The following FAM135B variants were observed in gnomAD, a reference collection of about 807,000 sequenced individuals.
FAM135B encodes protein FAM135B.
FAM135B carries 43 observed loss-of-function variants against 127.7 expected under a neutral mutation model. The observed-to-expected ratio is 0.34, with a 90% CI of 0.26 to 0.43. FAM135B has a LOEUF of 0.43. FAM135B is among the 20% of genes least tolerant of loss of function. FAM135B has a pLI of 1.00. For synonymous variants in FAM135B, 670 were observed against 665.1 expected (o/e 1.01, Z -0.11); for missense variants, 1,558 against 1,725.6 (o/e 0.90, Z 1.72).
chr8:138,310,076 G>A (rs1322943867), intron 3 of FAM135B, among the ~76,000 whole-genome samples: 1 of 151,794 alleles, frequency 6.6e-6, no homozygotes, highest in Admixed American at 6.6e-5. Context: ...TCACCTTGTT[G>A]ACCAGGCTGG....
At chr8:138,257,996 C>A (rs934953261) in intron 4 of FAM135B, among the ~76,000 whole-genome samples, 1 of 152,096 alleles carries the variant, frequency 6.6e-6, no homozygotes, top group Non-Finnish European at 1.5e-5. Context: ...ATTGCTGTCC[C>A]GTCTACCACC....
At chr8:138,244,030 G>C (rs550927109) in intron 6 of FAM135B, among the ~76,000 whole-genome samples, 1 of 152,070 alleles carries the variant, frequency 6.6e-6, no homozygotes, top group East Asian at 1.9e-4. Flanking sequence ...TTGTGGAAGG[G>C]CTTAATCCAA....
intron 1 of FAM135B, among the ~76,000 whole-genome samples, chr8:138,457,493 G>A (rs183861850): frequency 6.6e-6 from 1 of 152,244 alleles, no homozygotes; most frequent in African/African-American, 2.4e-5. Context: ...TAGATGATGA[G>A]CATGGCATCA....
chr8:138,477,036 A>G (rs1314414962), intron 1 of FAM135B, among the ~76,000 whole-genome samples: 1 of 152,182 alleles, frequency 6.6e-6, no homozygotes, highest in Non-Finnish European at 1.5e-5. Context: ...AAGGCATGAG[A>G]CTTTTAAGCC....
rs796696733 is a variant in FAM135B, at chr8:138,283,334, A to G, written c.158-17492T>C. On this transcript the variant is annotated intron_variant, in intron 3 of 19. Transcript: ENST00000395297. ...GATGGAAAAAATGTAAATACTTATT[A>G]CTAATTGAAATAAGTCAATCTAAAG... is the stretch of plus-strand genomic sequence containing the variant. Among the ~76,000 whole-genome samples, 18 of 152,282 alleles carry G rather than the reference A, an allele frequency of 1.2e-4. 1 individual carries two copies. Among genetic ancestry groups the G allele is most frequent in the South Asian group, 4.1e-4 (2 of 4,828 alleles).
At chr8:138,321,169 G>A (rs1336797118) in intron 2 of FAM135B, among the ~76,000 whole-genome samples, 1 of 152,148 alleles carries the variant, frequency 6.6e-6, no homozygotes, top group South Asian at 2.1e-4. Flanking sequence ...TACCAGCCTT[G>A]CAGAATTATT....
At chr8:138,454,053 T>A (rs1836642320) in intron 1 of FAM135B, among the ~76,000 whole-genome samples, 1 of 151,836 alleles carries the variant, frequency 6.6e-6, no homozygotes, top group Admixed American at 6.6e-5. Flanking sequence ...CAGGACCAGG[T>A]GGGGGTCACT....
chr8:138,338,446 A>G (rs1299574528), intron 2 of FAM135B, among the ~76,000 whole-genome samples: 7 of 152,118 alleles, frequency 4.6e-5, no homozygotes, highest in Non-Finnish European at 1.0e-4. Flanking sequence ...AAAAGTGGGC[A>G]AAGGATATAA....
At chr8:138,281,923 G>T (rs1264547976) in intron 3 of FAM135B, among the ~76,000 whole-genome samples, 3 of 152,160 alleles carry the variant, frequency 2.0e-5, no homozygotes, top group Non-Finnish European at 4.4e-5. Context: ...GGATCCTCCT[G>T]CCTCAGCCTC....
Position 138,137,162 on chromosome 8 carries a change from TG to T in FAM135B, c.3999del (p.Asp1335ThrfsTer11). Reference sequence around the variant, plus strand: ...TGTAGCTTACCTGTGTGTCTGTCTTTGAGGGCAGTTTTACACATTTCAATCC... The same window carrying T: ...TGTAGCTTACCTGTGTGTCTGTCTTTAGGGCAGTTTTACACATTTCAATCC... ...SARIEMCKTALKDRHTGPVYA... is the reference protein window; with the variant it reads ...SARIEMCKTAXKDRHTGPVYA... On this transcript the variant is annotated frameshift_variant, in exon 19 of 20. Transcript: ENST00000395297. LOFTEE classifies it high-confidence loss of function. 6.4e-7 allele frequency: 1 copy of T among 1,566,544 alleles called. No homozygotes were observed. The highest frequency in any genetic ancestry group is 8.8e-7 in the Non-Finnish European group (1 of 1,136,310).
chr8:138,219,257 G>A (rs974323821), intron 7 of FAM135B, among the ~76,000 whole-genome samples: 5 of 152,096 alleles, frequency 3.3e-5, no homozygotes, highest in African/African-American at 1.2e-4. Flanking sequence ...TTTCAAATAC[G>A]CCTTTGGTTT....
chr8:138,275,269 A>G (rs551890042), intron 3 of FAM135B, among the ~76,000 whole-genome samples: 1 of 152,360 alleles, frequency 6.6e-6, no homozygotes, highest in South Asian at 2.1e-4. Flanking sequence ...CACCCAAAAC[A>G]TGGTTCTGAC....
intron 7 of FAM135B, among the ~76,000 whole-genome samples, chr8:138,198,201 A>T (rs1468356180): frequency 6.6e-6 from 1 of 152,202 alleles, no homozygotes; most frequent in Non-Finnish European, 1.5e-5. Context: ...TATAAAGGGC[A>T]GTTCCCCTGC....
intron 2 of FAM135B, among the ~76,000 whole-genome samples, chr8:138,351,857 T>G (rs541429203): frequency 1.3e-5 from 2 of 152,200 alleles, no homozygotes; most frequent in South Asian, 4.2e-4. Flanking sequence ...GCCCAGCTAA[T>G]TTTTGTATTT....
intron 1 of FAM135B, among the ~76,000 whole-genome samples, chr8:138,486,126 C>T (rs1814975243): frequency 2.0e-5 from 3 of 151,918 alleles, no homozygotes; most frequent in African/African-American, 7.3e-5. Flanking sequence ...GTGTAGCTGG[C>T]ATCCCGTTGC....
At chr8:138,304,481 T>C (rs573445649) in intron 3 of FAM135B, among the ~76,000 whole-genome samples, 48 of 152,344 alleles carry the variant, frequency 3.2e-4, no homozygotes, top group African/African-American at 1.1e-3. Flanking sequence ...TGAGTAACTA[T>C]TAATTCTGAC....
intron 15 of FAM135B, among the ~76,000 whole-genome samples, chr8:138,145,309 C>T (rs1817560529): frequency 6.6e-6 from 1 of 152,130 alleles, no homozygotes; most frequent in South Asian, 2.1e-4. Context: ...AGCCACCGCG[C>T]CCAGCCATCC....
At chr8:138,253,021 G>A (rs976033145) in intron 5 of FAM135B, among the ~76,000 whole-genome samples, 6 of 152,198 alleles carry the variant, frequency 3.9e-5, no homozygotes, top group South Asian at 4.2e-4. Context: ...GGCTGGTCTC[G>A]AATTCCTAAC....
intron 12 of FAM135B, among the ~76,000 whole-genome samples, chr8:138,153,432 G>A (rs935931187): frequency 5.9e-5 from 9 of 152,106 alleles, no homozygotes; most frequent in Admixed American, 5.9e-4. Flanking sequence ...CCATCTCATT[G>A]GGACTTGTTG....
Sources: gnomAD v4.1 joint callset for allele counts (sites outside exome capture counted in the v4.1 genomes callset) on GRCh38, gnomAD v4.1.1 for gene constraint, MANE v1.5 for transcripts, NCBI Gene and HGNC (gene_info 2026-07-23, HGNC 2026-07-21) for gene names.